The following FLT1 variants were observed in gnomAD, a reference collection of about 807,000 sequenced individuals.
The protein encoded by FLT1 is fms related receptor tyrosine kinase 1, also known as vascular endothelial growth factor receptor 1.
A neutral mutation model predicts 156.3 loss-of-function variants in FLT1; 49 were observed. The observed-to-expected ratio is 0.31, with a 90% confidence interval of 0.25 to 0.40. The LOEUF is 0.40. FLT1 is among the 10% of genes least tolerant of loss of function. The pLI is 1.00. For missense variants in FLT1, 1,322 were observed against 1,637.2 expected, an observed-to-expected ratio of 0.81 and a Z score of 3.32; for synonymous variants, 594 against 583.8, an observed-to-expected ratio of 1.02 and a Z score of -0.25.
At chr13:28,359,876 C>T (rs774752615) in intron 14 of FLT1, among the ~76,000 whole-genome samples, 15 of 152,164 alleles carry the variant, frequency 9.9e-5, no homozygotes, top group African/African-American at 2.6e-4. Flanking sequence ...TTTGGGAGGC[C>T]GAGGTGGGCA....
chr13:28,420,767 T>C (rs1369441265), intron 10 of FLT1, among the ~76,000 whole-genome samples: 1 of 152,202 alleles, frequency 6.6e-6, no homozygotes, highest in Non-Finnish European at 1.5e-5. Context: ...CCATTAACAA[T>C]TGTCTTGTTT....
At chr13:28,368,807 C>G (rs1008776098) in intron 14 of FLT1, 1 of 549,802 alleles carries the variant, frequency 1.8e-6, no homozygotes, top group African/African-American at 1.9e-5. Flanking sequence ...CGGGTTCAAG[C>G]GATTCTTCTG....
intron 3 of FLT1, chr13:28,466,683 AC>A: frequency 1.6e-6 from 1 of 641,270 alleles, no homozygotes; most frequent in South Asian, 1.7e-5. Flanking sequence ...ACCTATACAG[AC>A]CAGTCTCTCT....
chr13:28,383,419 T>C (rs1390118943), intron 14 of FLT1, among the ~76,000 whole-genome samples: 1 of 152,110 alleles, frequency 6.6e-6, no homozygotes, highest in Non-Finnish European at 1.5e-5. Flanking sequence ...ATCCCAGCAC[T>C]TTGGGAGGCT....
intron 26 of FLT1, 73 bp downstream of exon 26, chr13:28,311,919 TA>T (rs555066797): frequency 1.8e-3 from 1,900 of 1,039,406 alleles, no homozygotes; most frequent in Middle Eastern, 2.4e-3. Flanking sequence ...TAATAGCTCT[TA>T]AAAAAAAAAC....
At chr13:28,342,982 T>C (rs1872400119) in intron 16 of FLT1, among the ~76,000 whole-genome samples, 1 of 151,462 alleles carries the variant, frequency 6.6e-6, no homozygotes, top group Admixed American at 6.6e-5. Context: ...CTTTCTTTCT[T>C]TTTCTTTCTT....
At chr13:28,386,712 T>A (rs1874386974) in intron 13 of FLT1, 10 of 1,055,920 alleles carry the variant, frequency 9.5e-6, no homozygotes, top group Non-Finnish European at 1.1e-5. Flanking sequence ...GCTTGCTCAT[T>A]ACAATTTTGA....
intron 14 of FLT1, among the ~76,000 whole-genome samples, chr13:28,380,139 C>T (rs1874014023): frequency 6.6e-6 from 1 of 152,182 alleles, no homozygotes; most frequent in African/African-American, 2.4e-5. Flanking sequence ...AAAACTCAGT[C>T]AAGCTGGCTA....
chr13:28,452,322 A>G (rs920205042), intron 3 of FLT1, among the ~76,000 whole-genome samples: 5 of 152,188 alleles, frequency 3.3e-5, no homozygotes, highest in African/African-American at 1.2e-4. Context: ...TAAACATGGT[A>G]TTGAATTTCT....
chr13:28,472,999 G>T (rs1266247467), intron 1 of FLT1, among the ~76,000 whole-genome samples: 1 of 152,170 alleles, frequency 6.6e-6, no homozygotes, highest in Non-Finnish European at 1.5e-5. Flanking sequence ...CCCATGAAAA[G>T]ATAAAGGACA....
At chr13:28,492,850 T>C (rs1183215512) in intron 1 of FLT1, among the ~76,000 whole-genome samples, 2 of 152,174 alleles carry the variant, frequency 1.3e-5, no homozygotes, top group Admixed American at 6.5e-5. Flanking sequence ...TGATGCCGAC[T>C]GAGCTAACAT....
intron 1 of FLT1, among the ~76,000 whole-genome samples, chr13:28,472,528 C>T (rs1811989144): frequency 6.6e-6 from 1 of 152,226 alleles, no homozygotes; most frequent in East Asian, 1.9e-4. Context: ...AAACAGTGTT[C>T]TAGCTGGTCG....
intron 1 of FLT1, 117 bp from the exon 2 acceptor site, chr13:28,467,734 T>C (rs1383913011): frequency 2.7e-5 from 17 of 632,152 alleles, no homozygotes; most frequent in Non-Finnish European, 4.7e-5. Flanking sequence ...TTTAATTTAC[T>C]TGTATCTTTA....
chr13:28,317,789 C>T (rs183694698), intron 24 of FLT1, among the ~76,000 whole-genome samples, 192 bp from the exon 25 acceptor site: 17 of 152,300 alleles, frequency 1.1e-4, no homozygotes, highest in Middle Eastern at 3.4e-3. Context: ...TAAGGACACC[C>T]GCTTGGTTGG....
intron 13 of FLT1, chr13:28,386,816 T>C: frequency 9.5e-7 from 1 of 1,052,272 alleles, no homozygotes; most frequent in Non-Finnish European, 1.1e-6. Context: ...GCTTTTACAG[T>C]GGCAAGCCAA....
intron 11 of FLT1, among the ~76,000 whole-genome samples, chr13:28,403,434 T>C: frequency 6.6e-6 from 1 of 152,192 alleles, no homozygotes; most frequent in Non-Finnish European, 1.5e-5. Context: ...GTTTTTACAT[T>C]ATATATGGAG....
chr13:28,345,571 C>T lies in FLT1; in HGVS notation c.2249-20G>A, dbSNP rs1872534957. 1 of 1,402,084 alleles carries T rather than the reference C, an allele frequency of 7.1e-7. No individual in the cohort carries two copies. Among genetic ancestry groups the T allele is most frequent in the South Asian group, 1.2e-5 (1 of 84,672 alleles). The allele number at this position is 1,402,084 out of a possible 1,614,324, so 86.9% of individuals were successfully genotyped here. A position where few individuals can be genotyped will look rare whatever the true frequency, so the allele number is the denominator to read the frequency against. ...AGGTTCCTGGAGAGAAAAAAAATCA[C>T]AATAGTGGTGCAACAAAGAAATTCC... On this transcript the variant is annotated intron_variant, in intron 15 of 29. Coordinates refer to ENST00000282397, the MANE Select transcript of FLT1 (RefSeq NM_002019.4).
chr13:28,345,620 T>C (rs1458722294), intron 15 of FLT1, 69 bp from the exon 16 acceptor site: 2 of 977,246 alleles, frequency 2.0e-6, no homozygotes, highest in African/African-American at 3.2e-5. Context: ...TTTGTGGTTT[T>C]ATAAAAGAGG....
intron 1 of FLT1, among the ~76,000 whole-genome samples, chr13:28,488,395 G>A (rs1184739): frequency 0.046 from 6,997 of 151,942 alleles, 562 homozygotes; most frequent in African/African-American, 0.16. Context: ...GCAAGACTCC[G>A]TCTCAAAAAA....
Sources: allele counts gnomAD v4.1 joint callset (sites outside exome capture counted in the v4.1 genomes callset), GRCh38; gene constraint gnomAD v4.1.1; transcripts MANE v1.5; gene names NCBI Gene and HGNC (gene_info 2026-07-23, HGNC 2026-07-21).